MPP7: variants seen among roughly 807,000 people sequenced by gnomAD.
MPP7 encodes MAGUK p55 subfamily member 7.
MPP7 carries 60 observed loss-of-function variants against 76.5 expected under a neutral mutation model. The observed-to-expected ratio is 0.78, with a 90% CI of 0.64 to 0.97. The LOEUF (loss-of-function observed/expected upper bound fraction) is 0.97. Among genes scored for constraint, MPP7 ranks in the 50% least tolerant of loss-of-function variants. The pLI is 0.00. For synonymous variants in MPP7, 237 were observed against 244.5 expected, an observed-to-expected ratio of 0.97 and a Z score of 0.29; for missense variants, 641 against 694.0, an observed-to-expected ratio of 0.92 and a Z score of 0.86.
At chr10:28,066,686 G>A (rs372866585) in intron 13 of MPP7, among the ~76,000 whole-genome samples, 2 of 152,186 alleles carry the variant, frequency 1.3e-5, no homozygotes, top group African/African-American at 2.4e-5. Context: ...TTGAGTTCCT[G>A]TTCTAACCCA....
At chr10:28,255,263 G>A (rs752630780) in intron 1 of MPP7, among the ~76,000 whole-genome samples, 3 of 151,846 alleles carry the variant, frequency 2.0e-5, no homozygotes, top group South Asian at 2.1e-4. Flanking sequence ...ACAGGTGCCC[G>A]CCACCACGCC....
At chr10:28,108,618 C>T (rs139646629) in intron 11 of MPP7, among the ~76,000 whole-genome samples, 1 of 152,010 alleles carries the variant, frequency 6.6e-6, no homozygotes, top group Admixed American at 6.6e-5. Context: ...GATCATGCCA[C>T]TGCACTCCAT....
intron 3 of MPP7, among the ~76,000 whole-genome samples, chr10:28,193,404 G>A (rs1837475690): frequency 6.6e-6 from 1 of 151,984 alleles, no homozygotes; most frequent in African/African-American, 2.4e-5. Context: ...AGTGGAGACG[G>A]GGTTTCACCA....
chr10:28,155,498 G>GCAGACTGAT (rs1177027149), intron 3 of MPP7, among the ~76,000 whole-genome samples: 1 of 150,238 alleles, frequency 6.7e-6, no homozygotes, highest in Non-Finnish European at 1.5e-5. Context: ...GCTGAAGTGG[G>GCAGACTGAT]CAGACTGATT....
At chr10:28,225,443 CA>C (rs1305709834) in intron 2 of MPP7, among the ~76,000 whole-genome samples, 1 of 151,958 alleles carries the variant, frequency 6.6e-6, no homozygotes, top group East Asian at 1.9e-4. Flanking sequence ...GTTTAATATC[CA>C]AAACATATAG....
intron 2 of MPP7, among the ~76,000 whole-genome samples, chr10:28,310,221 C>A (rs965417240): frequency 2.0e-5 from 3 of 151,984 alleles, no homozygotes; most frequent in African/African-American, 4.8e-5. Flanking sequence ...AGGCTGGTCT[C>A]GAACTCCTGG....
At chr10:28,294,895 A>G (rs1260461602) in intron 1 of MPP7, among the ~76,000 whole-genome samples, 1 of 152,196 alleles carries the variant, frequency 6.6e-6, no homozygotes, top group Non-Finnish European at 1.5e-5. Flanking sequence ...CCTAAAGTCA[A>G]AGTACTAGAA....
At chr10:28,121,787 C>T (rs1834849115) in intron 8 of MPP7, among the ~76,000 whole-genome samples, 1 of 150,720 alleles carries the variant, frequency 6.6e-6, no homozygotes, top group East Asian at 2.0e-4. Context: ...CTGTGGTGCA[C>T]TGGTAAACCA....
chr10:28,181,163 T>C (rs148703543), intron 3 of MPP7, among the ~76,000 whole-genome samples: 58 of 152,364 alleles, frequency 3.8e-4, no homozygotes, highest in African/African-American at 1.3e-3. Flanking sequence ...TAAAGTATTT[T>C]AAATAACATT....
Position 28,182,816 on chromosome 10 carries a change from G to A in MPP7, c.156+19337C>T, listed in dbSNP as rs142420547. 4.4e-3 allele frequency among the ~76,000 whole-genome samples: 670 copies of A among 152,308 alleles called. 5 individuals are homozygous for A. The highest frequency in any genetic ancestry group is 0.014 in the African/African-American group (583 of 41,562). ...AATTGAGCCGGGTGCAGTGGCTCAC[G>A]CCTGTAATCCCACCACTTTGGGAGG... On this transcript the variant is annotated intron_variant, in intron 3 of 16. Transcript: ENST00000683449.
At chr10:28,255,965 A>G (rs1839771974) in intron 1 of MPP7, among the ~76,000 whole-genome samples, 1 of 152,174 alleles carries the variant, frequency 6.6e-6, no homozygotes, top group African/African-American at 2.4e-5. Context: ...AGTGAAATAT[A>G]CTTCATACAA....
chr10:28,125,171 T>A, intron 6 of MPP7, 80 bp from the exon 7 acceptor site: 1 of 1,217,850 alleles, frequency 8.2e-7, no homozygotes, highest in Non-Finnish European at 1.2e-6. Context: ...AGGACATTCA[T>A]CTGAAAAAAG....
chr10:28,142,923 T>C (rs145192431), intron 5 of MPP7, among the ~76,000 whole-genome samples: 154 of 152,318 alleles, frequency 1.0e-3, no homozygotes, highest in African/African-American at 3.6e-3. Flanking sequence ...AATAATTTAC[T>C]GTCCTAATTA....
At chr10:28,105,532 G>C (rs559814693) in intron 11 of MPP7, among the ~76,000 whole-genome samples, 2 of 152,268 alleles carry the variant, frequency 1.3e-5, no homozygotes, top group South Asian at 4.1e-4. Context: ...TTTTGAGACA[G>C]AATCTGGCTC....
intron 2 of MPP7, among the ~76,000 whole-genome samples, chr10:28,232,372 C>CACACAA (rs1554854749): frequency 6.6e-6 from 1 of 151,686 alleles, no homozygotes; most frequent in African/African-American, 2.4e-5. Flanking sequence ...CACACACACA[C>CACACAA]ACACACACAC....
intron 1 of MPP7, among the ~76,000 whole-genome samples, chr10:28,282,788 C>T (rs1254785122): frequency 1.3e-5 from 2 of 151,918 alleles, no homozygotes; most frequent in Non-Finnish European, 2.9e-5. Flanking sequence ...CTCGCTATTG[C>T]CTGCTTGTTC....
chr10:28,112,126 CTTTAT>C (rs1834524156), intron 11 of MPP7, among the ~76,000 whole-genome samples: 1 of 152,170 alleles, frequency 6.6e-6, no homozygotes, highest in African/African-American at 2.4e-5. Flanking sequence ...CAAGTTGTGA[CTTTAT>C]TTAAGCACAT....
intron 3 of MPP7, among the ~76,000 whole-genome samples, chr10:28,193,219 T>G (rs1019147508): frequency 2.1e-4 from 31 of 150,816 alleles, no homozygotes; most frequent in East Asian, 1.2e-3. Context: ...TTTTTTGTTT[T>G]TTTTTTTTTT....
chr10:28,298,587 G>A (rs539840229), intron 1 of MPP7, among the ~76,000 whole-genome samples: 22 of 152,150 alleles, frequency 1.4e-4, no homozygotes, highest in Non-Finnish European at 2.2e-4. Context: ...TTTGCATGAC[G>A]CTTAACAATT....
Sources: gnomAD v4.1 joint callset for allele counts (sites outside exome capture counted in the v4.1 genomes callset) on GRCh38, gnomAD v4.1.1 for gene constraint, MANE v1.5 for transcripts, NCBI Gene and HGNC (gene_info 2026-07-23, HGNC 2026-07-21) for gene names.